Variants in RBM47 observed in about 807,000 individuals in gnomAD.
RBM47 encodes RNA binding motif protein 47.
RBM47 carries 21 observed loss-of-function variants against 47.1 expected under a neutral mutation model. The ratio of observed to expected loss-of-function variants is 0.45; its 90% CI spans 0.32 to 0.64. RBM47 has a LOEUF of 0.64. Among genes scored for constraint, RBM47 ranks in the 30% least tolerant of loss-of-function variants. RBM47 has a pLI of 0.05. For missense variants in RBM47, 708 were observed against 870.9 expected, an observed-to-expected ratio of 0.81 and a Z score of 2.35; for synonymous variants, 375 against 361.7, an observed-to-expected ratio of 1.04 and a Z score of -0.42.
intron 2 of RBM47, among the ~76,000 whole-genome samples, chr4:40,526,441 G>A (rs549430265): frequency 0.017 from 2,636 of 152,228 alleles, 111 homozygotes; most frequent in African/African-American, 0.061. Flanking sequence ...GTCTGTACAA[G>A]AAAGTCACTG....
chr4:40,511,297 T>C (rs1007244482), intron 2 of RBM47, among the ~76,000 whole-genome samples: 38 of 152,212 alleles, frequency 2.5e-4, no homozygotes, highest in Non-Finnish European at 3.2e-4. Context: ...TTATGGCATG[T>C]TGTGAAATGC....
intron 3 of RBM47, among the ~76,000 whole-genome samples, chr4:40,466,265 C>CAAAAA (rs55805915): frequency 5.5e-5 from 5 of 91,618 alleles, no homozygotes; most frequent in African/African-American, 8.1e-5. Flanking sequence ...GAGACTGTCT[C>CAAAAA]AAAAAAAAAA....
At chr4:40,446,926 T>A (rs1484880541) in intron 3 of RBM47, among the ~76,000 whole-genome samples, 2 of 152,060 alleles carry the variant, frequency 1.3e-5, no homozygotes, top group Non-Finnish European at 2.9e-5. Flanking sequence ...GACTAGTGTA[T>A]CAGAGTCTCC....
intron 3 of RBM47, among the ~76,000 whole-genome samples, chr4:40,460,037 T>C (rs1372578613): frequency 6.6e-6 from 1 of 152,116 alleles, no homozygotes; most frequent in Non-Finnish European, 1.5e-5. Context: ...ATTACAGGCC[T>C]GAGCCACCAC....
chr4:40,526,363 T>C (rs1726708230), intron 2 of RBM47, among the ~76,000 whole-genome samples: 1 of 151,976 alleles, frequency 6.6e-6, no homozygotes, highest in South Asian at 2.1e-4. Context: ...TAGAGTTTAA[T>C]TCCATGGTGT....
intron 2 of RBM47, among the ~76,000 whole-genome samples, chr4:40,503,064 A>G (rs532980233): frequency 6.6e-6 from 1 of 152,290 alleles, no homozygotes; most frequent in South Asian, 2.1e-4. Context: ...ACAGTGTTAC[A>G]TCACAGACTC....
chr4:40,539,726 C>T (rs1204575157), intron 2 of RBM47, among the ~76,000 whole-genome samples: 4 of 97,210 alleles, frequency 4.1e-5, no homozygotes, highest in Non-Finnish European at 7.2e-5. Flanking sequence ...GGCGACAGAG[C>T]AAGACTCTGT....
chr4:40,480,451 C>T (rs1004199176), intron 2 of RBM47, among the ~76,000 whole-genome samples: 2 of 152,166 alleles, frequency 1.3e-5, no homozygotes, highest in Non-Finnish European at 2.9e-5. Context: ...TAATTAGCTA[C>T]CTCTCTACCT....
At chr4:40,606,550 C>T (rs1008076596) in intron 1 of RBM47, among the ~76,000 whole-genome samples, 4 of 152,298 alleles carry the variant, frequency 2.6e-5, no homozygotes. Context: ...GACGGCCCGC[C>T]TGGCCCCAAG....
At chr4:40,432,970 CT>C (rs199860367) in intron 5 of RBM47, 108 bp from the exon 6 acceptor site, 40 of 1,432,540 alleles carry the variant, frequency 2.8e-5, no homozygotes, top group East Asian at 8.0e-5. Context: ...AAAAACTTTT[CT>C]TTTTTTTGAG....
At chr4:40,548,757 C>T (rs1729262872) in intron 1 of RBM47, among the ~76,000 whole-genome samples, 1 of 152,128 alleles carries the variant, frequency 6.6e-6, no homozygotes, top group Non-Finnish European at 1.5e-5. Context: ...ACCTCTGCCT[C>T]CTGGATTCAA....
intron 1 of RBM47, among the ~76,000 whole-genome samples, chr4:40,547,943 G>T (rs1225834106): frequency 6.6e-6 from 1 of 152,258 alleles, no homozygotes; most frequent in Non-Finnish European, 1.5e-5. Flanking sequence ...TGGTGAATAT[G>T]TTCTCTGCCT....
chr4:40,455,865 T>C (rs1716163890), intron 3 of RBM47, among the ~76,000 whole-genome samples: 1 of 152,262 alleles, frequency 6.6e-6, no homozygotes, highest in Admixed American at 6.5e-5. Flanking sequence ...AAGGATCTTC[T>C]TTTTGTAGAC....
At chr4:40,590,443 C>T (rs1253951947) in intron 1 of RBM47, among the ~76,000 whole-genome samples, 1 of 152,020 alleles carries the variant, frequency 6.6e-6, no homozygotes, top group African/African-American at 2.4e-5. Flanking sequence ...CAACAGTGCA[C>T]AGAAGAGCAA....
intron 1 of RBM47, among the ~76,000 whole-genome samples, chr4:40,580,219 C>CT (rs551489505): frequency 4.6e-4 from 68 of 147,430 alleles, no homozygotes; most frequent in Middle Eastern, 3.6e-3. Flanking sequence ...TTTCCTCATA[C>CT]TTTTTTTTTT....
intron 1 of RBM47, among the ~76,000 whole-genome samples, chr4:40,572,087 G>GAA (rs34395607): frequency 7.6e-4 from 96 of 125,996 alleles, no homozygotes; most frequent in African/African-American, 2.3e-3. Flanking sequence ...AAAACTACTG[G>GAA]AAAAAAAAAA....
At chr4:40,433,160 C>A (rs1711611388) in intron 5 of RBM47, among the ~76,000 whole-genome samples, 1 of 152,006 alleles carries the variant, frequency 6.6e-6, no homozygotes. Flanking sequence ...AGGGTTTCGC[C>A]ACGTTGCCCA....
In RBM47 at chr4:40,423,656, CTTTCTTTCTTTCTT is replaced by C. The variant is rs1560336884; in HGVS notation, c.*2234_*2247del. ...TTTTTTTTATTCTTTCTTTCTTTTT[CTTTCTTTCTTTCTT>C]TCTTTCTTTCTTTCTTTCTTTCTTT... On this transcript the variant is annotated 3_prime_UTR_variant, in exon 7 of 7. Coordinates refer to ENST00000295971, the MANE Select transcript of RBM47 (RefSeq NM_001098634.2). 6.9e-4 allele frequency: 10 copies of C among 14,562 alleles called. No individual in the cohort carries two copies. Among genetic ancestry groups the C allele is most frequent in the Non-Finnish European group, 1.2e-3 (6 of 4,940 alleles). 0.9% of individuals were successfully genotyped at this position (14,562 alleles called of 1,614,324 possible).
At chr4:40,544,965 C>T (rs192433432) in intron 1 of RBM47, among the ~76,000 whole-genome samples, 3 of 151,068 alleles carry the variant, frequency 2.0e-5, no homozygotes, top group East Asian at 2.0e-4. Flanking sequence ...GGAGCTGAGG[C>T]GAGAGGATCA....
Sources: gnomAD v4.1 joint callset for allele counts (sites outside exome capture counted in the v4.1 genomes callset) on GRCh38, gnomAD v4.1.1 for gene constraint, MANE v1.5 for transcripts, NCBI Gene and HGNC (gene_info 2026-07-23, HGNC 2026-07-21) for gene names.